The following RPH3AL variants were observed in gnomAD, a reference collection of about 807,000 sequenced individuals.
RPH3AL encodes rab effector Noc2.
In RPH3AL, 38 loss-of-function variants were observed where a neutral mutation model predicts 43.1. The observed-to-expected ratio is 0.88, with a 90% confidence interval of 0.68 to 1.15. RPH3AL has a LOEUF of 1.15. Ranked by LOEUF, RPH3AL falls within the 50% of genes most tolerant of loss-of-function variation. The probability of loss-of-function intolerance (pLI) is 0.00; values close to 1 mark genes in which losing one functional copy is unlikely to be tolerated. For missense variants in RPH3AL, 462 were observed against 423.2 expected, an observed-to-expected ratio of 1.09 and a Z score of -0.81; for synonymous variants, 189 against 176.3, an observed-to-expected ratio of 1.07 and a Z score of -0.57.
At chr17:338,274 C>A (rs563854986) in intron 1 of RPH3AL, among the ~76,000 whole-genome samples, 2 of 152,120 alleles carry the variant, frequency 1.3e-5, no homozygotes, top group South Asian at 4.2e-4. Flanking sequence ...CCAGCCTGGG[C>A]AACAGAGCAA....
At chr17:297,731 G>A (rs375696917) in intron 5 of RPH3AL, among the ~76,000 whole-genome samples, 2 of 152,308 alleles carry the variant, frequency 1.3e-5, no homozygotes. Flanking sequence ...CCTCCCAGGA[G>A]GGTGAGGCAG....
intron 3 of RPH3AL, among the ~76,000 whole-genome samples, chr17:324,312 AC>A (rs2044558445): frequency 6.6e-6 from 1 of 152,006 alleles, no homozygotes; most frequent in Admixed American, 6.6e-5. Context: ...CCAGTCATCC[AC>A]GTCCTCTCAT....
At chr17:235,647 A>G (rs112527707) in intron 7 of RPH3AL, among the ~76,000 whole-genome samples, 39 of 88,324 alleles carry the variant, frequency 4.4e-4, no homozygotes, top group African/African-American at 1.0e-3. Context: ...AACAAGATGG[A>G]TCCAGGGTTC....
chr17:250,984 C>G (rs2041890055), intron 6 of RPH3AL, among the ~76,000 whole-genome samples: 1 of 152,248 alleles, frequency 6.6e-6, no homozygotes. Flanking sequence ...ACACCGTGCT[C>G]TCTACCCGCA....
intron 6 of RPH3AL, among the ~76,000 whole-genome samples, chr17:262,458 C>T (rs1223736327): frequency 1.3e-5 from 2 of 152,156 alleles, no homozygotes; most frequent in African/African-American, 2.4e-5. Context: ...TCGTGATCCA[C>T]CCGCCTCGGC....
chr17:321,604 G>A (rs540239532), intron 3 of RPH3AL, 189 bp from the exon 4 acceptor site: 12 of 553,198 alleles, frequency 2.2e-5, no homozygotes, highest in East Asian at 3.4e-5. Context: ...CAACAGAGAC[G>A]GCCCAGGTGG....
rs569850661 is a variant in RPH3AL at position 262,506 on chromosome 17, A to T, written c.439-15221T>A. Among the ~76,000 whole-genome samples, 7 of 149,206 alleles carry T rather than the reference A, an allele frequency of 4.7e-5. No individual in the cohort carries two copies. In the South Asian group the frequency reaches 1.2e-3, roughly 25 times the overall value. On this transcript the variant is annotated intron_variant, in intron 6 of 9. Transcript: ENST00000331302. ...TGGGATTACAGGCGTGAGCCACCGC[A>T]CCCGGCCAACAAAATAATTTTTACA...
At chr17:338,955 A>C (rs966567626) in intron 1 of RPH3AL, 9 of 152,932 alleles carry the variant, frequency 5.9e-5, no homozygotes, top group South Asian at 2.1e-4. Flanking sequence ...CTCCGCCAGC[A>C]GCTTCTGCAC....
intron 2 of RPH3AL, among the ~76,000 whole-genome samples, chr17:330,569 A>G (rs1253972369): frequency 6.6e-6 from 1 of 152,230 alleles, no homozygotes; most frequent in Non-Finnish European, 1.5e-5. Context: ...TATTCTTTTC[A>G]AAGTAAACAC....
rs375365976 is a variant in RPH3AL at position 224,375 on chromosome 17, C to T, written c.614-4639G>A. The stretch of plus-strand genomic sequence containing the variant: ...GCCTCCTGCGGCTTGTGGCTCCTGC[C>T]AGCACCTCCCGCTGGGACTGGCTTG... On this transcript the variant is annotated intron_variant, in intron 7 of 9. Transcript: ENST00000331302. Among the ~76,000 whole-genome samples the T allele has an allele frequency of 6.6e-5, 10 of 152,260 alleles. No homozygotes were observed. The East Asian group carries it at 1.2e-3, about 18-fold the overall frequency.
Position 274,993 on chromosome 17 carries a change from A to G in RPH3AL, c.438+6775T>C, listed in dbSNP as rs1291059626. Among the ~76,000 whole-genome samples, 2 of 152,248 alleles carry G rather than the reference A, an allele frequency of 1.3e-5. No individual in the cohort carries two copies. Among genetic ancestry groups the G allele is most frequent in the Admixed American group, 6.5e-5 (1 of 15,286 alleles). On this transcript the variant is annotated intron_variant, in intron 6 of 9. Transcript: ENST00000331302. The surrounding 1 kb of genome is among the most constrained non-coding windows in gnomAD (Gnocchi z 4.7). ...AATCGAAACTTACACCGGAGGGGAA[A>G]GAGCAGACGTGGTCACGGAGAAAAC...
At chr17:262,498 G>A (rs1020938556) in intron 6 of RPH3AL, among the ~76,000 whole-genome samples, 3 of 151,984 alleles carry the variant, frequency 2.0e-5, no homozygotes, top group East Asian at 1.9e-4. Flanking sequence ...ACAGGCGTGA[G>A]CCACCGCACC....
rs547571508 is a variant in RPH3AL at position 316,008 on chromosome 17, T to G, written c.351+3412A>C. Among the ~76,000 whole-genome samples the G allele has an allele frequency of 4.6e-5, 7 of 152,146 alleles. No homozygotes were observed. The South Asian group carries it at 1.5e-3, about 32-fold the overall frequency. Reference sequence around the variant, plus strand: ...TCCCTGTGCCCCACCTCCATTGACCTGTAGTCCCTGTGCCCCCACCTCCAT... The same window carrying G: ...TCCCTGTGCCCCACCTCCATTGACCGGTAGTCCCTGTGCCCCCACCTCCAT... On this transcript the variant is annotated intron_variant, in intron 5 of 9. Coordinates refer to ENST00000331302, the MANE Select transcript of RPH3AL (RefSeq NM_006987.4).
intron 1 of RPH3AL, among the ~76,000 whole-genome samples, chr17:344,373 C>A (rs892903226): frequency 7.6e-6 from 1 of 131,192 alleles, no homozygotes; most frequent in Non-Finnish European, 1.7e-5. Context: ...ACACCACTAT[C>A]ATAACCATCA....
At chr17:286,089 A>T (rs2042903083) in intron 5 of RPH3AL, among the ~76,000 whole-genome samples, 4 of 152,242 alleles carry the variant, frequency 2.6e-5, no homozygotes, top group Admixed American at 2.0e-4. Flanking sequence ...GGTTTGAGGG[A>T]CAAATGTGCA....
chr17:219,069 C>T lies in RPH3AL; in HGVS notation c.727+554G>A, dbSNP rs377363059. Among the ~76,000 whole-genome samples, 4 of 152,228 alleles carry T rather than the reference C, an allele frequency of 2.6e-5. No homozygotes were observed. In the South Asian group the frequency reaches 6.2e-4, roughly 24 times the overall value. On this transcript the variant is annotated intron_variant, in intron 8 of 9. Transcript: ENST00000331302. ...CACCCTGCTGTGTGTACAGAAGAGCCTCAAGGAGCCTGTTGTCCCATCCCT... is the reference window on the plus strand; with the variant it reads ...CACCCTGCTGTGTGTACAGAAGAGCTTCAAGGAGCCTGTTGTCCCATCCCT...
At chr17:252,420 T>A (rs1287940722) in intron 6 of RPH3AL, among the ~76,000 whole-genome samples, 1 of 152,188 alleles carries the variant, frequency 6.6e-6, no homozygotes, top group Non-Finnish European at 1.5e-5. Flanking sequence ...CTTACACCAT[T>A]GCCTGGGAAA....
At chr17:272,463 G>A (rs2042489447) in intron 6 of RPH3AL, among the ~76,000 whole-genome samples, 1 of 151,728 alleles carries the variant, frequency 6.6e-6, no homozygotes, top group Non-Finnish European at 1.5e-5. Context: ...TAGGGACATG[G>A]ATGAAGCTGG....
At chr17:251,310 G>C (rs2041897131) in intron 6 of RPH3AL, among the ~76,000 whole-genome samples, 1 of 152,180 alleles carries the variant, frequency 6.6e-6, no homozygotes, top group Non-Finnish European at 1.5e-5. Flanking sequence ...GGGTAATGCA[G>C]GCACATGGTC....
Sources: allele counts gnomAD v4.1 joint callset (sites outside exome capture counted in the v4.1 genomes callset), GRCh38; gene constraint gnomAD v4.1.1; non-coding constraint Gnocchi (gnomAD v3.1); transcripts MANE v1.5; gene names NCBI Gene and HGNC (gene_info 2026-07-23, HGNC 2026-07-21).